NAALADL2: variants seen among roughly 807,000 people sequenced by gnomAD.
The protein encoded by NAALADL2 is N-acetylated alpha-linked acidic dipeptidase like 2.
A neutral mutation model predicts 87.2 loss-of-function variants in NAALADL2; 76 were observed. The observed-to-expected ratio is 0.87, with a 90% CI of 0.72 to 1.05. The LOEUF (loss-of-function observed/expected upper bound fraction) is 1.05. NAALADL2 is among the 50% of genes least tolerant of loss of function. The pLI is 0.00. For missense variants in NAALADL2, 1,089 were observed against 945.8 expected (o/e 1.15, Z -1.99); for synonymous variants, 354 against 331.0 (o/e 1.07, Z -0.75).
At chr3:175,476,538 T>C (rs1233702771) in intron 9 of NAALADL2, among the ~76,000 whole-genome samples, 1 of 152,184 alleles carries the variant, frequency 6.6e-6, no homozygotes, top group African/African-American at 2.4e-5. Flanking sequence ...CCATCTGTCT[T>C]TTCAAACCTC....
At chr3:175,434,984 C>A (rs1286147569) in intron 5 of NAALADL2, among the ~76,000 whole-genome samples, 3 of 151,904 alleles carry the variant, frequency 2.0e-5, no homozygotes, top group African/African-American at 7.3e-5. Flanking sequence ...ATAAAATAGT[C>A]TTGGAGTAGA....
intron 3 of NAALADL2, among the ~76,000 whole-genome samples, chr3:174,828,115 G>C (rs1297869207): frequency 6.6e-6 from 1 of 152,080 alleles, no homozygotes; most frequent in African/African-American, 2.4e-5. Flanking sequence ...CCCAGGAATG[G>C]ACTGCTCTCC....
At chr3:175,431,926 G>A (rs1461293884) in intron 5 of NAALADL2, among the ~76,000 whole-genome samples, 2 of 151,798 alleles carry the variant, frequency 1.3e-5, no homozygotes, top group South Asian at 2.1e-4. Flanking sequence ...CTGTTCAGTG[G>A]GTTGCCAAGT....
intron 5 of NAALADL2, among the ~76,000 whole-genome samples, chr3:175,392,972 A>G (rs956201831): frequency 1.3e-5 from 2 of 152,138 alleles, no homozygotes; most frequent in African/African-American, 4.8e-5. Flanking sequence ...TCTGTTTCCA[A>G]GTTTTTTCAT....
At chr3:175,694,071 A>G (rs1737412448) in intron 11 of NAALADL2, among the ~76,000 whole-genome samples, 1 of 152,150 alleles carries the variant, frequency 6.6e-6, no homozygotes, top group Non-Finnish European at 1.5e-5. Flanking sequence ...ACAAATGCCT[A>G]TGTATTTCTT....
At chr3:175,078,028 C>T (rs1420133841) in intron 1 of NAALADL2, among the ~76,000 whole-genome samples, 19 of 143,878 alleles carry the variant, frequency 1.3e-4, no homozygotes, top group Non-Finnish European at 2.6e-4. Flanking sequence ...TCTTTTCTTT[C>T]TTTTTTTTTT....
At chr3:174,460,338 T>C (rs1343400945) in intron 1 of NAALADL2, among the ~76,000 whole-genome samples, 1 of 152,098 alleles carries the variant, frequency 6.6e-6, no homozygotes, top group Non-Finnish European at 1.5e-5. Context: ...GGACTTTAGA[T>C]AGAACCAAGT....
At chr3:175,376,585 T>C (rs1767153200) in intron 5 of NAALADL2, among the ~76,000 whole-genome samples, 1 of 152,178 alleles carries the variant, frequency 6.6e-6, no homozygotes, top group Non-Finnish European at 1.5e-5. Flanking sequence ...GGTTATGATA[T>C]AGCTTGGTGT....
At chr3:175,598,910 G>A (rs954333056) in intron 10 of NAALADL2, among the ~76,000 whole-genome samples, 6 of 152,220 alleles carry the variant, frequency 3.9e-5, no homozygotes, top group South Asian at 2.1e-4. Flanking sequence ...TAGTAAGAGC[G>A]CACTGACATT....
At chr3:174,984,998 A>T (rs1745655529) in intron 1 of NAALADL2, among the ~76,000 whole-genome samples, 1 of 152,184 alleles carries the variant, frequency 6.6e-6, no homozygotes, top group African/African-American at 2.4e-5. Context: ...CAGAAGGTAT[A>T]TACTGAGGTG....
chr3:175,612,775 T>A (rs1242184205), intron 10 of NAALADL2, among the ~76,000 whole-genome samples: 1 of 152,206 alleles, frequency 6.6e-6, no homozygotes, highest in East Asian at 1.9e-4. Flanking sequence ...GGATTTCTTA[T>A]GATTGAGACA....
chr3:174,827,879 G>A (rs1393517704), intron 3 of NAALADL2, among the ~76,000 whole-genome samples: 1 of 152,102 alleles, frequency 6.6e-6, no homozygotes, highest in African/African-American at 2.4e-5. Context: ...TCCCAGGCAT[G>A]GGACTCAAAG....
At position 174,827,057 on chromosome 3, in the gene NAALADL2, G is replaced by A. The variant is rs141671595; in HGVS notation, c.-9+89311G>A. On this transcript the variant is annotated intron_variant, in intron 3 of 3. Coordinates refer to the NAALADL2 transcript ENST00000434257. ...TTTATATGTTTATTTTTTATTGCCC[G>A]TTTTAAACTTCTTGAGTTCAATCTT... 5.4e-3 allele frequency among the ~76,000 whole-genome samples: 827 copies of A among 152,074 alleles called. 1 individual carries two copies. Among genetic ancestry groups the A allele is most frequent in the African/African-American group, 0.018 (757 of 41,502 alleles).
intron 2 of NAALADL2, among the ~76,000 whole-genome samples, chr3:175,141,947 A>T (rs1730059535): frequency 6.6e-6 from 1 of 152,074 alleles, no homozygotes; most frequent in Non-Finnish European, 1.5e-5. Flanking sequence ...TTTATATGTC[A>T]CAGTTTTCTC....
At chr3:175,679,085 C>G (rs185721874) in intron 11 of NAALADL2, among the ~76,000 whole-genome samples, 1 of 151,904 alleles carries the variant, frequency 6.6e-6, no homozygotes, top group Non-Finnish European at 1.5e-5. Flanking sequence ...GCTTTTGAGC[C>G]AGGATGAGCC....
chr3:174,725,001 C>T (rs1290936222), intron 2 of NAALADL2, among the ~76,000 whole-genome samples: 1 of 152,160 alleles, frequency 6.6e-6, no homozygotes, highest in Non-Finnish European at 1.5e-5. Flanking sequence ...AGAGCTGATT[C>T]ATGGAGGTAG....
At chr3:174,921,616 A>G (rs775760575) in intron 1 of NAALADL2, among the ~76,000 whole-genome samples, 37 of 152,042 alleles carry the variant, frequency 2.4e-4, no homozygotes, top group Non-Finnish European at 2.6e-4. Context: ...CCTGGCTAAC[A>G]TGGTGAAACC....
At chr3:175,424,579 G>T (rs1716456206) in intron 5 of NAALADL2, among the ~76,000 whole-genome samples, 1 of 152,040 alleles carries the variant, frequency 6.6e-6, no homozygotes, top group African/African-American at 2.4e-5. Flanking sequence ...TATAGTTGTA[G>T]ATATGCAGCA....
At chr3:175,213,542 G>A (rs1383223165) in intron 2 of NAALADL2, among the ~76,000 whole-genome samples, 1 of 152,038 alleles carries the variant, frequency 6.6e-6, no homozygotes, top group East Asian at 1.9e-4. Flanking sequence ...ACATACACAG[G>A]ACATATATCT....
Sources: gnomAD v4.1 joint callset for allele counts (sites outside exome capture counted in the v4.1 genomes callset) on GRCh38, gnomAD v4.1.1 for gene constraint, MANE v1.5 for transcripts, NCBI Gene and HGNC (gene_info 2026-07-23, HGNC 2026-07-21) for gene names.